Variants in THBS4 observed in about 807,000 individuals in gnomAD.
THBS4 encodes thrombospondin 4.
THBS4 carries 90 observed loss-of-function variants against 115.7 expected under a neutral mutation model. That is an observed-to-expected ratio of 0.78 (90% CI 0.66 to 0.93). The LOEUF (loss-of-function observed/expected upper bound fraction) is 0.93. THBS4 is among the 40% of genes least tolerant of loss of function. The pLI, the probability that THBS4 is intolerant of heterozygous loss-of-function variation, is 0.00. For missense variants in THBS4, 1,087 were observed against 1,232.7 expected (o/e 0.88, Z 1.77); for synonymous variants, 460 against 479.3 (o/e 0.96, Z 0.53).
At chr5:80,001,115 A>G (rs1831889917) in intron 2 of THBS4, among the ~76,000 whole-genome samples, 1 of 152,214 alleles carries the variant, frequency 6.6e-6, no homozygotes, top group South Asian at 2.1e-4. Flanking sequence ...TTTGGATTTC[A>G]TAAGCCAGAT....
rs751575878 is a variant in THBS4, at chr5:80,063,269, AT to A, written c.1125+1440del. Among the ~76,000 whole-genome samples, 83 of 152,230 alleles carry A rather than the reference AT, an allele frequency of 5.5e-4. 1 individual carries two copies. The highest frequency in any genetic ancestry group is 3.4e-3 in the Middle Eastern group (1 of 294). The stretch of plus-strand genomic sequence containing the variant: ...GCATCTCATTGTGGTTTTGATTTGC[AT>A]TTCTCTGATGGCCAGTAATGGTGAG... On this transcript the variant is annotated intron_variant, in intron 8 of 21. Coordinates refer to ENST00000350881, the MANE Select transcript of THBS4 (RefSeq NM_003248.6).
chr5:80,019,488 A>T (rs962623723), intron 2 of THBS4: 5 of 152,226 alleles, frequency 3.3e-5, no homozygotes, highest in African/African-American at 1.2e-4. Context: ...TGAGATAAGG[A>T]TATTGTAATT....
chr5:80,046,900 A>G (rs1833085393), intron 2 of THBS4, among the ~76,000 whole-genome samples: 1 of 152,242 alleles, frequency 6.6e-6, no homozygotes, highest in South Asian at 2.1e-4. Flanking sequence ...ACAGTTGAAC[A>G]TGTTGGATAC....
chr5:80,035,577 C>A lies in THBS4; in HGVS notation c.40C>A (p.Leu14Met). 1 of 1,442,904 alleles carries A rather than the reference C, an allele frequency of 6.9e-7. No individual in the cohort carries two copies. Among genetic ancestry groups the A allele is most frequent in the Admixed American group, 2.4e-5 (1 of 41,234 alleles). The allele number at this position is 1,442,904 out of a possible 1,614,324, so 89.4% of individuals were successfully genotyped here. A position where few individuals can be genotyped will look rare whatever the true frequency, so the allele number is the denominator to read the frequency against. ...CGGAGCCGCCGTCCTCCTGCTGCAC[C>A]TGGTCCTGCAGCGGTGGCTAGCGGC... ...PRGAAVLLLH[L>M]VLQRWLAAGA... The change falls in exon 1 of 22, where the codon CTG (leucine) becomes ATG (methionine). Residue 14 changes from leucine (L) to methionine (M), a missense_variant. Transcript: ENST00000350881. The surrounding 1 kb of genome is among the most constrained non-coding windows in gnomAD (Gnocchi z 4.6).
At chr5:80,070,854 T>C (rs952383515) in intron 12 of THBS4, 104 bp downstream of exon 12, 2 of 1,558,840 alleles carry the variant, frequency 1.3e-6, no homozygotes, top group Non-Finnish European at 1.8e-6. Flanking sequence ...AATGTTAGTT[T>C]CCATGCCTGC....
chr5:80,008,755 G>T (rs1415982822), intron 2 of THBS4, among the ~76,000 whole-genome samples: 1 of 152,140 alleles, frequency 6.6e-6, no homozygotes, highest in Admixed American at 6.5e-5. Flanking sequence ...ACCACCAGAT[G>T]CCAGTAGCAT....
At chr5:80,038,983 T>C (rs1456210521) in intron 1 of THBS4, among the ~76,000 whole-genome samples, 1 of 152,240 alleles carries the variant, frequency 6.6e-6, no homozygotes, top group Admixed American at 6.5e-5. Flanking sequence ...AGTTAGCAAC[T>C]CCTGCATCAT....
At chr5:79,994,664 G>C (rs1831753875) in intron 1 of THBS4, among the ~76,000 whole-genome samples, 1 of 152,148 alleles carries the variant, frequency 6.6e-6, no homozygotes, top group Non-Finnish European at 1.5e-5. Context: ...ATTATAGCTG[G>C]GCATGATGGT....
intron 7 of THBS4, 25 bp from the exon 8 acceptor site, chr5:80,061,662 GTGGCTAAA>G: frequency 6.4e-7 from 1 of 1,560,512 alleles, no homozygotes; most frequent in South Asian, 1.2e-5. Flanking sequence ...TTTTCTCGGT[GTGGCTAAA>G]GACTTTGAAC....
chr5:80,023,736 A>G (rs1438538782), intron 2 of THBS4, among the ~76,000 whole-genome samples: 1 of 152,138 alleles, frequency 6.6e-6, no homozygotes, highest in East Asian at 1.9e-4. Context: ...GCATCCACAC[A>G]CATGTGGTGA....
chr5:80,041,913 C>T (rs1406270046), intron 2 of THBS4, among the ~76,000 whole-genome samples: 1 of 152,208 alleles, frequency 6.6e-6, no homozygotes. Flanking sequence ...TGATTGTACA[C>T]TTAAATCTGC....
At chr5:80,077,518 C>T (rs925756381) in intron 16 of THBS4, among the ~76,000 whole-genome samples, 2 of 152,220 alleles carry the variant, frequency 1.3e-5, no homozygotes, top group African/African-American at 2.4e-5. Flanking sequence ...AGACATGAGA[C>T]AGCAGGGAGT....
Position 80,055,855 on chromosome 5 carries a change from C to CGGAA in THBS4, c.366_369dup (p.Arg124LysfsTer46). 6.2e-7 allele frequency: 1 copy of CGGAA among 1,614,154 alleles called. No homozygotes were observed. The highest frequency in any genetic ancestry group is 8.5e-7 in the Non-Finnish European group (1 of 1,180,008). ...TTTTCAACAACCTGCAGCTGGCAGA[C>CGGAA]GGAAGGCGGCACAGGATCCTCCTGA... On this transcript the variant is annotated frameshift_variant, in exon 3 of 22. Coordinates refer to ENST00000350881, the MANE Select transcript of THBS4 (RefSeq NM_003248.6). LOFTEE classifies it high-confidence loss of function.
At chr5:80,001,241 C>T (rs1831892022) in intron 2 of THBS4, among the ~76,000 whole-genome samples, 1 of 151,114 alleles carries the variant, frequency 6.6e-6, no homozygotes, top group Non-Finnish European at 1.5e-5. Context: ...CTTTTCTTTG[C>T]ACGTACTACA....
intron 20 of THBS4, 86 bp downstream of exon 20, chr5:80,080,163 A>T: frequency 6.9e-7 from 1 of 1,451,950 alleles, no homozygotes; most frequent in Non-Finnish European, 9.3e-7. Context: ...TCCCTGAGCA[A>T]TTCTGACCTA....
chr5:80,013,905 T>A (rs1832197147), intron 2 of THBS4, among the ~76,000 whole-genome samples: 1 of 152,156 alleles, frequency 6.6e-6, no homozygotes, highest in Admixed American at 6.5e-5. Context: ...TAACTAAGCG[T>A]CTTTGAAGGA....
intron 15 of THBS4, among the ~76,000 whole-genome samples, chr5:80,075,036 A>G (rs562276676): frequency 6.6e-6 from 1 of 152,328 alleles, no homozygotes; most frequent in East Asian, 1.9e-4. Flanking sequence ...ATATCTGCAT[A>G]TAACCTATAC....
chr5:80,076,923 C>A lies in THBS4; in HGVS notation c.1961C>A (p.Thr654Asn). 6.2e-7 allele frequency: 1 copy of A among 1,613,610 alleles called. No individual in the cohort carries two copies. The highest frequency in any genetic ancestry group is 8.5e-7 in the Non-Finnish European group (1 of 1,179,746). ...PTVINSAQLD[T>N]DKDGIGDECD... The stretch of plus-strand genomic sequence containing the variant: ...GTCATTAACAGTGCCCAGCTGGACA[C>A]CGATAAGGATGGAATTGGTGACGAG... Residue 654 changes from threonine (T) to asparagine (N), a missense_variant, in exon 16 of 22, where the codon ACC (threonine) becomes AAC (asparagine). Thr to Asn is a moderately conservative substitution (Grantham distance 65). Around this residue, in one of 3 missense-constraint regions of THBS4, gnomAD observed 979 missense variants for 1,103.7 expected, o/e 0.89. Coordinates refer to ENST00000350881, the MANE Select transcript of THBS4 (RefSeq NM_003248.6).
chr5:80,059,155 C>T (rs1833536225), intron 5 of THBS4, among the ~76,000 whole-genome samples: 1 of 152,138 alleles, frequency 6.6e-6, no homozygotes, highest in African/African-American at 2.4e-5. Flanking sequence ...CATGGTGAAA[C>T]CCCGTCTCTA....
Sources: gnomAD v4.1 joint callset for allele counts (sites outside exome capture counted in the v4.1 genomes callset) on GRCh38, gnomAD v4.1.1 for gene constraint, gnomAD v4.1.1 regional missense constraint, Gnocchi (gnomAD v3.1) non-coding constraint, MANE v1.5 for transcripts, NCBI Gene and HGNC (gene_info 2026-07-23, HGNC 2026-07-21) for gene names.